Variants in SORCS2 observed in about 807,000 individuals in gnomAD.
SORCS2 encodes VPS10 domain-containing receptor SorCS2.
SORCS2 carries 100 observed loss-of-function variants against 141.6 expected under a neutral mutation model. The observed-to-expected ratio is 0.71, with a 90% CI of 0.60 to 0.83. The LOEUF (loss-of-function observed/expected upper bound fraction) is 0.83, where lower values mean the gene tolerates loss of function less well. Ranked by LOEUF, SORCS2 falls within the 40% of genes least tolerant of loss-of-function variation. The pLI is 0.00. For missense variants in SORCS2, 1,646 were observed against 1,560.2 expected (o/e 1.05, Z -0.93); for synonymous variants, 789 against 676.9 (o/e 1.17, Z -2.57).
chr4:7,363,202 C>CCACCACCACCGT (rs1420367937), intron 1 of SORCS2, among the ~76,000 whole-genome samples: 1 of 115,846 alleles, frequency 8.6e-6, no homozygotes, highest in East Asian at 5.0e-4. Flanking sequence ...TTCACCGTCA[C>CCACCACCACCGT]CACCACCACC....
In SORCS2 at chr4:7,433,641, C is replaced by T. The variant is rs61740143; in HGVS notation, c.548+37286C>T. 1.5e-3 allele frequency: 2,435 copies of T among 1,610,618 alleles called. 16 individuals carry two copies. The highest frequency in any genetic ancestry group is 0.015 in the African/African-American group (1,105 of 75,004). On this transcript the variant is annotated intron_variant, in intron 2 of 26. Transcript: ENST00000507866. Reference sequence around the variant, plus strand: ...CCACCAGGATGTCTCGCTTGGTGCTCTTGCTCTCCAAGTTGTGGGAGGACA... The same window carrying T: ...CCACCAGGATGTCTCGCTTGGTGCTTTTGCTCTCCAAGTTGTGGGAGGACA...
chr4:7,598,155 G>A (rs1717411008), intron 3 of SORCS2, among the ~76,000 whole-genome samples: 1 of 152,046 alleles, frequency 6.6e-6, no homozygotes, highest in African/African-American at 2.4e-5. Flanking sequence ...TTTTAGAAGA[G>A]ACGGGGTTTC....
chr4:7,519,815 ACATGGGG>A lies in SORCS2; in HGVS notation c.549-11714_549-11708del, dbSNP rs1212061849. On this transcript the variant is annotated intron_variant, in intron 2 of 26. Coordinates refer to ENST00000507866, the MANE Select transcript of SORCS2 (RefSeq NM_020777.3). ...CTTGGCCCGGCCTCCCAGAGGGCGC[ACATGGGG>A]GCTTCTGCCGTGCTAGAGCAGCAGC... 2.9e-4 allele frequency among the ~76,000 whole-genome samples: 44 copies of A among 152,288 alleles called. 1 individual carries two copies. The highest frequency in any genetic ancestry group is 5.1e-4 in the Non-Finnish European group (35 of 68,032).
intron 2 of SORCS2, among the ~76,000 whole-genome samples, chr4:7,512,356 GGGAGGGAT>G (rs1371470327): frequency 2.0e-4 from 27 of 134,354 alleles, no homozygotes; most frequent in Admixed American, 8.2e-4. Flanking sequence ...GAAGGAGGGA[GGGAGGGAT>G]GGAGGGAGGG....
intron 2 of SORCS2, among the ~76,000 whole-genome samples, chr4:7,412,249 C>T (rs1038588695): frequency 5.3e-5 from 8 of 152,220 alleles, no homozygotes; most frequent in African/African-American, 1.2e-4. Context: ...CCTGCTCACT[C>T]GGCCTTGCTC....
chr4:7,311,959 G>A (rs1718211237), intron 1 of SORCS2, among the ~76,000 whole-genome samples: 1 of 151,880 alleles, frequency 6.6e-6, no homozygotes, highest in Admixed American at 6.6e-5. Context: ...CACTGCAATT[G>A]GCGCCTCCTG....
rs1159754121 is a variant in SORCS2, at chr4:7,364,350, G to A, written c.481-31938G>A. 3.3e-5 allele frequency among the ~76,000 whole-genome samples: 5 copies of A among 152,260 alleles called. No homozygotes were observed. The South Asian group carries it at 8.3e-4, about 25-fold the overall frequency. On this transcript the variant is annotated intron_variant, in intron 1 of 26. Transcript: ENST00000507866. Reference sequence around the variant, plus strand: ...GACAGGGAAATGCACCTGTCTTTTCGGTGACATCTTGCTCTTGTTTCTCTC... The same window carrying A: ...GACAGGGAAATGCACCTGTCTTTTCAGTGACATCTTGCTCTTGTTTCTCTC...
chr4:7,711,848 T>C (rs1038698942), intron 14 of SORCS2, among the ~76,000 whole-genome samples: 1 of 152,096 alleles, frequency 6.6e-6, no homozygotes, highest in Non-Finnish European at 1.5e-5. Flanking sequence ...TGCCGCAGGG[T>C]GCCTCCCCAC....
chr4:7,324,122 G>T (rs1719085814), intron 1 of SORCS2, among the ~76,000 whole-genome samples: 1 of 152,212 alleles, frequency 6.6e-6, no homozygotes, highest in Non-Finnish European at 1.5e-5. Context: ...GGCGGGGCTG[G>T]GATTCAAACC....
chr4:7,461,399 T>C (rs1257143233), intron 2 of SORCS2, among the ~76,000 whole-genome samples: 1 of 152,210 alleles, frequency 6.6e-6, no homozygotes, highest in Non-Finnish European at 1.5e-5. Flanking sequence ...ACCTCTGGGC[T>C]GTCAGCCTGG....
chr4:7,529,009 A>T (rs1733866219), intron 2 of SORCS2, among the ~76,000 whole-genome samples: 1 of 151,990 alleles, frequency 6.6e-6, no homozygotes, highest in African/African-American at 2.4e-5. Context: ...AAATTCTTAT[A>T]ACACCAGCCA....
At chr4:7,293,805 A>G (rs967325646) in intron 1 of SORCS2, among the ~76,000 whole-genome samples, 1 of 152,218 alleles carries the variant, frequency 6.6e-6, no homozygotes, top group Non-Finnish European at 1.5e-5. Flanking sequence ...ACAGTAGGGC[A>G]TGCCTGCATT....
At chr4:7,489,081 T>C (rs4086) in intron 2 of SORCS2, among the ~76,000 whole-genome samples, 17,755 of 152,196 alleles carry the variant, frequency 0.12, 1,327 homozygotes, top group East Asian at 0.25. Context: ...CACATTTCAG[T>C]TGGGGATATG....
chr4:7,432,892 T>G, intron 2 of SORCS2: 1 of 157,900 alleles, frequency 6.3e-6, no homozygotes. Context: ...CTACTAGTGA[T>G]GGGCCCTCGA....
rs115409687 is a variant in SORCS2 at position 7,478,570 on chromosome 4, C to A, written c.549-52960C>A. On this transcript the variant is annotated intron_variant, in intron 2 of 26. Transcript: ENST00000507866. Reference sequence around the variant, plus strand: ...CTGAGTCTCCAGAGCTAGGACAGAGCCTGGCGCCTGGCAGCCCCCACTGCC... The same window carrying A: ...CTGAGTCTCCAGAGCTAGGACAGAGACTGGCGCCTGGCAGCCCCCACTGCC... 8.7e-3 allele frequency among the ~76,000 whole-genome samples: 1,329 copies of A among 152,276 alleles called. 16 individuals carry two copies. Among genetic ancestry groups the A allele is most frequent in the African/African-American group, 0.031 (1,274 of 41,560 alleles).
chr4:7,544,067 T>TCCAGCCAC (rs1450195908), intron 3 of SORCS2, among the ~76,000 whole-genome samples: 141 of 111,806 alleles, frequency 1.3e-3, no homozygotes, highest in African/African-American at 4.1e-3. Context: ...CACCCATCCA[T>TCCAGCCAC]CCACCCATCC....
intron 3 of SORCS2, among the ~76,000 whole-genome samples, chr4:7,635,534 A>G (rs966012639): frequency 2.0e-5 from 3 of 152,188 alleles, no homozygotes; most frequent in Admixed American, 6.5e-5. Context: ...TTTGTCATTA[A>G]CAGAATCATA....
chr4:7,235,920 C>G (rs183847357), intron 1 of SORCS2, among the ~76,000 whole-genome samples: 9 of 152,102 alleles, frequency 5.9e-5, no homozygotes, highest in Non-Finnish European at 1.3e-4. Context: ...ACTCTAGGTG[C>G]GAGTGTAAGG....
chr4:7,302,007 G>T (rs535719250), intron 1 of SORCS2, among the ~76,000 whole-genome samples: 1 of 152,234 alleles, frequency 6.6e-6, no homozygotes, highest in African/African-American at 2.4e-5. Context: ...CCACCGGGAC[G>T]CACAGGCAGC....
Sources: gnomAD v4.1 joint callset for allele counts (sites outside exome capture counted in the v4.1 genomes callset) on GRCh38, gnomAD v4.1.1 for gene constraint, MANE v1.5 for transcripts, NCBI Gene and HGNC (gene_info 2026-07-23, HGNC 2026-07-21) for gene names.